Variants in COL28A1 observed in about 807,000 individuals in gnomAD.
The protein encoded by COL28A1 is collagen alpha-1(XXVIII) chain.
COL28A1 carries 161 observed loss-of-function variants against 150.2 expected under a neutral mutation model. The ratio of observed to expected loss-of-function variants is 1.07; its 90% confidence interval spans 0.94 to 1.22. The LOEUF is 1.22. Among genes scored for constraint, COL28A1 ranks in the 50% most tolerant of loss-of-function variants. COL28A1 has a pLI of 0.00. For synonymous variants in COL28A1, 552 were observed against 469.7 expected (o/e 1.18, Z -2.26); for missense variants, 1,617 against 1,388.3 (o/e 1.16, Z -2.62).
chr7:7,358,875 TAA>T lies in COL28A1; in HGVS notation c.3206-72_3206-71del, dbSNP rs1780475030. 4 of 1,226,366 alleles carry T rather than the reference TAA, an allele frequency of 3.3e-6. No individual in the cohort carries two copies. In the South Asian group the frequency reaches 6.2e-5, roughly 19 times the overall value. 76.0% of individuals were successfully genotyped at this position (1,226,366 alleles called of 1,614,324 possible). On this transcript the variant is annotated intron_variant, in intron 34 of 34. Transcript: ENST00000399429. ...GAAGACATGAAAAATAAAAACTGTA[TAA>T]AGTTATATAAATAAACTTTATTCTT... is the stretch of plus-strand genomic sequence containing the variant.
intron 13 of COL28A1, among the ~76,000 whole-genome samples, chr7:7,480,911 A>C (rs756772253): frequency 2.0e-5 from 3 of 152,208 alleles, no homozygotes; most frequent in Non-Finnish European, 2.9e-5. Flanking sequence ...ATCCTCCTCA[A>C]AATGGTTGAT....
chr7:7,440,542 G>C (rs1257970588), intron 21 of COL28A1, among the ~76,000 whole-genome samples: 1 of 152,186 alleles, frequency 6.6e-6, no homozygotes, highest in African/African-American at 2.4e-5. Context: ...GTTGTTACTA[G>C]AGAGGACTGA....
At chr7:7,427,864 G>A (rs1370164808) in intron 25 of COL28A1, among the ~76,000 whole-genome samples, 1 of 152,214 alleles carries the variant, frequency 6.6e-6, no homozygotes. Context: ...TGCCTAGATA[G>A]AAGACGGACA....
rs1554262302 is a variant in COL28A1 at position 7,383,682 on chromosome 7, G to GTGTATATATA, written c.2137-2071_2137-2070insTATATATACA. Among the ~76,000 whole-genome samples the GTGTATATATA allele has an allele frequency of 2.8e-3, 351 of 124,052 alleles. 4 individuals carry two copies. The highest frequency in any genetic ancestry group is 4.6e-3 in the East Asian group (19 of 4,144). The allele number at this position is 124,052 out of a possible 152,430, so 81.4% of individuals were successfully genotyped here. A position where few individuals can be genotyped will look rare whatever the true frequency, so the allele number is the denominator to read the frequency against. ...ATTTGAAATTTGTGTGTGTGTGTGT[G>GTGTATATATA]TATATATATATATATATATATGTAT... On this transcript the variant is annotated intron_variant, in intron 27 of 34. Transcript: ENST00000399429.
upstream of COL28A1, among the ~76,000 whole-genome samples, chr7:7,540,238 T>G (rs150380666): frequency 1.7e-3 from 261 of 152,350 alleles, 2 homozygotes; most frequent in Non-Finnish European, 2.7e-3. Context: ...AGCCTACAAA[T>G]AGAGAAAGAT....
chr7:7,518,814 G>T (rs971002221), intron 6 of COL28A1, among the ~76,000 whole-genome samples: 8 of 152,020 alleles, frequency 5.3e-5, no homozygotes, highest in African/African-American at 1.9e-4. Flanking sequence ...GGATTCCAAA[G>T]TTTCTAAAAT....
At chr7:7,398,340 C>T (rs140070678) in intron 27 of COL28A1, among the ~76,000 whole-genome samples, 2 of 152,150 alleles carry the variant, frequency 1.3e-5, no homozygotes, top group African/African-American at 4.8e-5. Context: ...AACTTTTAGT[C>T]CTTGCTTCCA....
chr7:7,507,280 C>T (rs1458798719), intron 9 of COL28A1, 119 bp from the exon 10 acceptor site: 54 of 591,348 alleles, frequency 9.1e-5, no homozygotes, highest in South Asian at 2.4e-4. Context: ...GTTATCTTAA[C>T]ATCAAAGGCA....
intron 27 of COL28A1, among the ~76,000 whole-genome samples, chr7:7,400,975 G>GGTGGGTGTGTGTGT (rs1554264683): frequency 8.4e-6 from 1 of 119,074 alleles, no homozygotes; most frequent in African/African-American, 3.4e-5. Flanking sequence ...TGGGTATTTG[G>GGTGGGTGTGTGTGT]GTGTGTGTGT....
At chr7:7,383,286 G>T (rs963966535) in intron 27 of COL28A1, among the ~76,000 whole-genome samples, 13 of 105,128 alleles carry the variant, frequency 1.2e-4, no homozygotes, top group Non-Finnish European at 2.2e-4. Flanking sequence ...GTGTGTGTGT[G>T]TGTTTTTTTT....
chr7:7,388,160 C>A (rs1026011949), intron 27 of COL28A1, among the ~76,000 whole-genome samples: 4 of 152,064 alleles, frequency 2.6e-5, no homozygotes, highest in African/African-American at 9.7e-5. Flanking sequence ...TATCCCTCCC[C>A]TAGCCCCCCA....
chr7:7,519,933 G>A (rs967862000), intron 6 of COL28A1, 129 bp downstream of exon 6: 35 of 562,030 alleles, frequency 6.2e-5, no homozygotes, highest in Non-Finnish European at 6.3e-5. Context: ...TGGAAATCCT[G>A]TATTCTTCAC....
At chr7:7,396,165 C>A (rs1782823352) in intron 27 of COL28A1, among the ~76,000 whole-genome samples, 1 of 152,132 alleles carries the variant, frequency 6.6e-6, no homozygotes, top group South Asian at 2.1e-4. Flanking sequence ...CCAGAGACCC[C>A]CTAGAGCAAC....
intron 15 of COL28A1, among the ~76,000 whole-genome samples, chr7:7,462,589 T>C (rs1394026128): frequency 1.3e-5 from 2 of 152,204 alleles, no homozygotes; most frequent in Admixed American, 1.3e-4. Flanking sequence ...CTGAGCACGG[T>C]GGCTCACACC....
At chr7:7,403,290 A>AG in intron 27 of COL28A1, among the ~76,000 whole-genome samples, 1 of 152,196 alleles carries the variant, frequency 6.6e-6, no homozygotes, top group Non-Finnish European at 1.5e-5. Context: ...ATCAAAGCCG[A>AG]GGGGAGGAGA....
chr7:7,511,529 T>C (rs1408166040), intron 8 of COL28A1: 2 of 292,170 alleles, frequency 6.8e-6, no homozygotes, highest in South Asian at 3.2e-5. Context: ...ACATTTAAAC[T>C]CAACAAGATA....
intron 27 of COL28A1, among the ~76,000 whole-genome samples, chr7:7,405,048 T>G (rs950979905): frequency 5.3e-5 from 8 of 152,180 alleles, no homozygotes; most frequent in African/African-American, 1.9e-4. Context: ...CATGCCCAGC[T>G]AATTTCAATA....
At chr7:7,520,335 TTC>T (rs1781649740) in intron 5 of COL28A1, among the ~76,000 whole-genome samples, 1 of 152,200 alleles carries the variant, frequency 6.6e-6, no homozygotes, top group Non-Finnish European at 1.5e-5. Context: ...AGAATAATGT[TTC>T]TCTCTTCCCA....
intron 33 of COL28A1, 90 bp downstream of exon 33, chr7:7,370,635 T>C (rs767908617): frequency 5.9e-4 from 631 of 1,070,722 alleles, no homozygotes; most frequent in Non-Finnish European, 7.8e-4. Flanking sequence ...CTCAGCTGAT[T>C]CTTGACAATG....
Sources: gnomAD v4.1 joint callset for allele counts (sites outside exome capture counted in the v4.1 genomes callset) on GRCh38, gnomAD v4.1.1 for gene constraint, MANE v1.5 for transcripts, NCBI Gene and HGNC (gene_info 2026-07-23, HGNC 2026-07-21) for gene names.